Variants in ADGRV1 observed in about 807,000 individuals in gnomAD.
The protein encoded by ADGRV1 is G-protein coupled receptor 98.
ADGRV1 carries 359 observed loss-of-function variants against 596.2 expected under a neutral mutation model. The observed-to-expected ratio is 0.60, with a 90% CI of 0.55 to 0.66. The LOEUF (loss-of-function observed/expected upper bound fraction) is 0.66, where lower values mean the gene tolerates loss of function less well. ADGRV1 is among the 30% of genes least tolerant of loss of function. The pLI is 0.00. For synonymous variants in ADGRV1, 2,681 were observed against 2,679.2 expected (o/e 1.00, Z -0.02); for missense variants, 7,274 against 7,575.6 (o/e 0.96, Z 1.48).
At chr5:91,014,962 C>T (rs996520215) in intron 85 of ADGRV1, among the ~76,000 whole-genome samples, 1 of 151,748 alleles carries the variant, frequency 6.6e-6, no homozygotes, top group African/African-American at 2.4e-5. Context: ...ATATTTGAGT[C>T]GTGATGTTTG....
intron 83 of ADGRV1, among the ~76,000 whole-genome samples, chr5:90,936,823 G>T (rs1315378842): frequency 1.3e-5 from 2 of 151,770 alleles, no homozygotes; most frequent in African/African-American, 2.4e-5. Flanking sequence ...TAAACATATG[G>T]TTTTTTTGCT....
At chr5:90,749,544 G>A (rs945407471) in intron 52 of ADGRV1, among the ~76,000 whole-genome samples, 3 of 152,146 alleles carry the variant, frequency 2.0e-5, no homozygotes, top group South Asian at 2.1e-4. Flanking sequence ...GGATAGGATC[G>A]CTACTCAAAT....
chr5:91,101,516 G>A (rs2950850), intron 86 of ADGRV1, among the ~76,000 whole-genome samples: 18,815 of 152,046 alleles, frequency 0.12, 1,329 homozygotes, highest in African/African-American at 0.2. Flanking sequence ...TATTAAGATC[G>A]CCTCTATATG....
intron 1 of ADGRV1, among the ~76,000 whole-genome samples, chr5:90,574,993 T>A (rs1251751775): frequency 6.6e-6 from 1 of 152,150 alleles, no homozygotes; most frequent in Non-Finnish European, 1.5e-5. Context: ...TCTTTGTTAA[T>A]CTAGCCAGGG....
chr5:90,585,132 A>G (rs1048202929), intron 1 of ADGRV1, among the ~76,000 whole-genome samples: 4 of 152,262 alleles, frequency 2.6e-5, no homozygotes, highest in African/African-American at 9.6e-5. Flanking sequence ...ATCAGATGTC[A>G]AAATGAGTTG....
intron 52 of ADGRV1, among the ~76,000 whole-genome samples, chr5:90,746,006 A>C (rs1008172123): frequency 5.9e-5 from 9 of 152,112 alleles, no homozygotes; most frequent in African/African-American, 1.9e-4. Flanking sequence ...CTCTGAGTCA[A>C]CTTGTCCTAA....
In ADGRV1 at chr5:90,853,180, A is replaced by G. The variant is rs568625722; in HGVS notation, c.17205-104A>G. 66 of 1,072,404 alleles carry G rather than the reference A, an allele frequency of 6.2e-5. No individual in the cohort carries two copies. In the African/African-American group the frequency reaches 9.4e-4, roughly 15 times the overall value. 66.4% of individuals were successfully genotyped at this position (1,072,404 alleles called of 1,614,324 possible). On this transcript the variant is annotated intron_variant, in intron 79 of 89. Transcript: ENST00000405460. ...TCTGGGTTTGTTGTGTTATTGTTAT[A>G]CATGAAGAATAGAATCCAAGTGTAA... is the stretch of plus-strand genomic sequence containing the variant.
At chr5:90,725,682 G>GTTT in intron 48 of ADGRV1, 26 bp downstream of exon 48, 1 of 945,406 alleles carries the variant, frequency 1.1e-6, no homozygotes, top group Non-Finnish European at 1.6e-6. Context: ...AATGAAGTGG[G>GTTT]TTTTTTTTTG....
intron 86 of ADGRV1, among the ~76,000 whole-genome samples, chr5:91,094,419 A>G (rs946896683): frequency 3.3e-5 from 5 of 151,432 alleles, no homozygotes; most frequent in African/African-American, 1.2e-4. Flanking sequence ...AGATCAGGCC[A>G]CTGCACTCCA....
chr5:90,709,348 T>C (rs1186704408), intron 39 of ADGRV1, among the ~76,000 whole-genome samples: 1 of 152,228 alleles, frequency 6.6e-6, no homozygotes, highest in Non-Finnish European at 1.5e-5. Context: ...TTTTCATGCT[T>C]TTAGAAAAGA....
intron 83 of ADGRV1, among the ~76,000 whole-genome samples, chr5:90,881,057 AATGTTTTGG>A (rs745601209): frequency 1.3e-5 from 2 of 152,184 alleles, no homozygotes; most frequent in Non-Finnish European, 2.9e-5. Flanking sequence ...ATACCTGGAT[AATGTTTTGG>A]AGTACATTTT....
At chr5:90,978,208 T>C (rs957151959) in intron 84 of ADGRV1, among the ~76,000 whole-genome samples, 1 of 151,890 alleles carries the variant, frequency 6.6e-6, no homozygotes, top group Non-Finnish European at 1.5e-5. Flanking sequence ...GGCAGGAGAA[T>C]GGCGTGAACC....
At chr5:90,891,664 CAATA>C (rs1354946146) in intron 83 of ADGRV1, among the ~76,000 whole-genome samples, 2 of 151,688 alleles carry the variant, frequency 1.3e-5, no homozygotes, top group Admixed American at 1.3e-4. Context: ...TTAATTAGAT[CAATA>C]AAATTTTACT....
intron 85 of ADGRV1, among the ~76,000 whole-genome samples, chr5:91,028,052 T>A (rs1697395587): frequency 1.3e-5 from 2 of 150,834 alleles, no homozygotes; most frequent in Admixed American, 6.6e-5. Flanking sequence ...TTTTTTTTTT[T>A]AATTCTTTAA....
At position 90,629,313 on chromosome 5, in the gene ADGRV1, C is replaced by G. The variant is rs1200208328; in HGVS notation, c.1613C>G (p.Ser538Cys). Residue 538 changes from serine to cysteine, a missense_variant, in exon 9 of 90, where the codon TCC becomes TGC. Transcript: ENST00000405460. Reference sequence around the variant, plus strand: ...AGCAGCCCAGGTGAACGATACTTATCCTTGAGTTTTACAAGACTAGGAGGG... The same window carrying G: ...AGCAGCCCAGGTGAACGATACTTATGCTTGAGTTTTACAAGACTAGGAGGG... ...IESSPGERYL[S>C]LSFTRLGGTK... The G allele has an allele frequency of 6.2e-7, 1 of 1,613,508 alleles. No homozygotes were observed. The highest frequency in any genetic ancestry group is 1.1e-5 in the South Asian group (1 of 91,058).
intron 85 of ADGRV1, among the ~76,000 whole-genome samples, chr5:90,988,322 A>G (rs1238663400): frequency 6.6e-6 from 1 of 152,222 alleles, no homozygotes; most frequent in Non-Finnish European, 1.5e-5. Flanking sequence ...GCATGTCTGC[A>G]TTTTAAATAG....
chr5:90,721,911 C>G (rs1751092319), intron 45 of ADGRV1, among the ~76,000 whole-genome samples: 1 of 152,118 alleles, frequency 6.6e-6, no homozygotes, highest in African/African-American at 2.4e-5. Context: ...AAGTGAAGAA[C>G]TTGAGTGGAT....
chr5:90,778,585 A>G lies in ADGRV1; in HGVS notation c.12825A>G (p.Gln4275=). ...GCCGATTTGCCTTTTCACATGAGCA[A>G]CTTCGAGTGTCAGAAGCACAGAGGG... is the stretch of plus-strand genomic sequence containing the variant. ...PYGRFAFSHE[Q]LRVSEAQRVN... is the part of the protein sequence containing the mutation. Residue 4275 remains glutamine, a synonymous_variant, in exon 63 of 90, where the codon CAA becomes CAG. Coordinates refer to ENST00000405460, the MANE Select transcript of ADGRV1 (RefSeq NM_032119.4). The G allele has an allele frequency of 1.2e-6, 2 of 1,602,118 alleles. No homozygotes were observed. The highest frequency in any genetic ancestry group is 1.7e-6 in the Non-Finnish European group (2 of 1,173,280).
rs772209095 is a variant in ADGRV1 at position 90,635,229 on chromosome 5, T to C, written c.1955T>C (p.Ile652Thr). ...ACTCCAGCCATTGCAAATGGAGAAA[T>C]TGGCTTTCTCAGCAATCTTCCAATT... is the stretch of plus-strand genomic sequence containing the variant. The part of the protein sequence containing the change: ...LVTPAIANGE[I>T]GFLSNLPIIL... The change falls in exon 10 of 90, where the codon ATT becomes ACT. Residue 652 changes from isoleucine to threonine, a missense_variant. By Grantham distance (89) the Ile-to-Thr change is moderately conservative. This residue lies in a region of ADGRV1 where 1,715 missense variants were observed against 1,708.8 expected (regional missense o/e 1.00). Transcript: ENST00000405460. 4 of 1,612,946 alleles carry C rather than the reference T, an allele frequency of 2.5e-6. No individual in the cohort carries two copies. Among genetic ancestry groups the C allele is most frequent in the Admixed American group, 1.7e-5 (1 of 59,860 alleles).
Sources: allele counts gnomAD v4.1 joint callset (sites outside exome capture counted in the v4.1 genomes callset), GRCh38; gene constraint gnomAD v4.1.1; regional missense constraint gnomAD v4.1.1; transcripts MANE v1.5; gene names NCBI Gene and HGNC (gene_info 2026-07-23, HGNC 2026-07-21).